LBH: variants seen among roughly 807,000 people sequenced by gnomAD.
LBH encodes protein LBH.
A neutral mutation model predicts 12.5 loss-of-function variants in LBH; 7 were observed. The ratio of observed to expected loss-of-function variants is 0.56; its 90% confidence interval spans 0.32 to 1.05. The LOEUF is 1.05. Among genes scored for constraint, LBH ranks in the 50% least tolerant of loss-of-function variants. The pLI is 0.04. For missense variants in LBH, 119 were observed against 138.9 expected (o/e 0.86, Z 0.72); for synonymous variants, 51 against 50.1 (o/e 1.02, Z -0.08).
intron 2 of LBH, among the ~76,000 whole-genome samples, chr2:30,236,629 T>C (rs1484488954): frequency 6.6e-6 from 1 of 152,210 alleles, no homozygotes; most frequent in East Asian, 1.9e-4. Context: ...AAGCAACATT[T>C]AGGGGCACTT....
chr2:30,241,057 TAGG>T (rs1677780821), intron 2 of LBH, among the ~76,000 whole-genome samples: 1 of 152,244 alleles, frequency 6.6e-6, no homozygotes, highest in Non-Finnish European at 1.5e-5. Context: ...CAGCTTTTCT[TAGG>T]AGAGCTTAAA....
In LBH at chr2:30,259,720, G is replaced by A. The variant is rs930481719; in HGVS notation, c.*2099G>A. 1 of 152,604 alleles carries A rather than the reference G, an allele frequency of 6.6e-6. No individual in the cohort carries two copies. Among genetic ancestry groups the A allele is most frequent in the African/African-American group, 2.4e-5 (1 of 41,440 alleles). The allele number at this position is 152,604 out of a possible 1,614,324, so 9.5% of individuals were successfully genotyped here. A position where few individuals can be genotyped will look rare whatever the true frequency, so the allele number is the denominator to read the frequency against. ...GACCGTTTGCAGTCTGAGCAGGCCAGGGGCTGACAGCTAATGTCAGGACCC... is the reference window on the plus strand; with the variant it reads ...GACCGTTTGCAGTCTGAGCAGGCCAAGGGCTGACAGCTAATGTCAGGACCC... On this transcript the variant is annotated 3_prime_UTR_variant, in exon 3 of 3. Transcript: ENST00000395323.
In LBH at chr2:30,259,191, C is replaced by G. The variant is rs1366301410; in HGVS notation, c.*1570C>G. The G allele has an allele frequency of 1.3e-5, 2 of 152,824 alleles. No individual in the cohort carries two copies. Among genetic ancestry groups the G allele is most frequent in the Admixed American group, 6.5e-5 (1 of 15,282 alleles). The allele number at this position is 152,824 out of a possible 1,614,324, so 9.5% of individuals were successfully genotyped here. ...CTCAGTTCTGGACGTGTGTATATAG[C>G]TGTATTTAATACCTCAAGGTCATTG... is the stretch of plus-strand genomic sequence containing the variant. On this transcript the variant is annotated 3_prime_UTR_variant, in exon 3 of 3. Coordinates refer to ENST00000395323, the MANE Select transcript of LBH (RefSeq NM_030915.4).
At chr2:30,249,974 T>A (rs13030740) in intron 2 of LBH, among the ~76,000 whole-genome samples, 44,594 of 152,112 alleles carry the variant, frequency 0.29, 6,844 homozygotes, top group Middle Eastern at 0.42. Flanking sequence ...CACTGTGACC[T>A]TGCCAACCAT....
rs1456785574 is a variant in LBH, at chr2:30,234,399, T to C, written c.27-6T>C. ...TTGTTGACTTTTGGTCTGGGTTTCT[T>C]GGCAGCCCCGACTATCTGAGATCGG... On this transcript the variant is annotated splice_polypyrimidine_tract_variant and splice_region_variant and intron_variant, in intron 1 of 2. Coordinates refer to ENST00000395323, the MANE Select transcript of LBH (RefSeq NM_030915.4). 1.2e-6 allele frequency: 2 copies of C among 1,613,324 alleles called. No homozygotes were observed. The highest frequency in any genetic ancestry group is 1.7e-6 in the Non-Finnish European group (2 of 1,179,260).
At chr2:30,238,639 G>C (rs549439205) in intron 2 of LBH, among the ~76,000 whole-genome samples, 1 of 152,344 alleles carries the variant, frequency 6.6e-6, no homozygotes, top group South Asian at 2.1e-4. Context: ...TCATTCCCCA[G>C]GTGGGAGGGA....
At chr2:30,255,321 G>A (rs1191229729) in intron 2 of LBH, among the ~76,000 whole-genome samples, 3 of 152,114 alleles carry the variant, frequency 2.0e-5, no homozygotes, top group Non-Finnish European at 4.4e-5. Context: ...TGCACGTCTG[G>A]GCACAGCGCC....
In LBH at chr2:30,234,918, C is replaced by T. The variant is rs1040715258; in HGVS notation, c.129+411C>T. Reference sequence around the variant, plus strand: ...CCTGGGGTAGTAGAAGCATTGCTGTCGGGGGCTTCTGCAGAAGGGTGGTCT... The same window carrying T: ...CCTGGGGTAGTAGAAGCATTGCTGTTGGGGGCTTCTGCAGAAGGGTGGTCT... On this transcript the variant is annotated intron_variant, in intron 2 of 2. Transcript: ENST00000395323. 2.4e-4 allele frequency among the ~76,000 whole-genome samples: 37 copies of T among 152,116 alleles called. 1 individual carries two copies. Among genetic ancestry groups the T allele is most frequent in the Non-Finnish European group, 1.0e-4 (7 of 68,014 alleles).
intron 2 of LBH, among the ~76,000 whole-genome samples, chr2:30,242,646 T>G (rs1392264399): frequency 6.6e-6 from 1 of 152,250 alleles, no homozygotes; most frequent in African/African-American, 2.4e-5. Flanking sequence ...TATGTTTACT[T>G]TCAGTATTTT....
chr2:30,251,161 C>G (rs1677972299), intron 2 of LBH, among the ~76,000 whole-genome samples: 1 of 149,190 alleles, frequency 6.7e-6, no homozygotes, highest in African/African-American at 2.5e-5. Context: ...CTCAGGCAAT[C>G]CTCCCACCTC....
At position 30,257,968 on chromosome 2, in the gene LBH, T is replaced by A. The variant is rs1035761815; in HGVS notation, c.*347T>A. On this transcript the variant is annotated 3_prime_UTR_variant, in exon 3 of 3. Transcript: ENST00000395323. ...GAGGCAGTGGTGGGATTCCAATGGG[T>A]CTTGGTGGGTGGGAGGTGGGGCATG... 1.1e-5 allele frequency: 2 copies of A among 187,538 alleles called. No homozygotes were observed. Among genetic ancestry groups the A allele is most frequent in the Non-Finnish European group, 2.2e-5 (2 of 90,474 alleles). 11.6% of individuals were successfully genotyped at this position (187,538 alleles called of 1,614,324 possible). A position where few individuals can be genotyped will look rare whatever the true frequency, so the allele number is the denominator to read the frequency against.
chr2:30,254,627 C>G (rs987112781), intron 2 of LBH, among the ~76,000 whole-genome samples: 1 of 152,040 alleles, frequency 6.6e-6, no homozygotes, highest in South Asian at 2.1e-4. Flanking sequence ...CCCCTCCCCC[C>G]CTCCTCCTTT....
intron 2 of LBH, among the ~76,000 whole-genome samples, chr2:30,248,707 A>C (rs547402552): frequency 6.6e-6 from 1 of 152,166 alleles, no homozygotes; most frequent in South Asian, 2.1e-4. Flanking sequence ...GTCTTTTCTC[A>C]CTGCCCCGGA....
chr2:30,238,805 C>G (rs1242413110), intron 2 of LBH, among the ~76,000 whole-genome samples: 1 of 152,062 alleles, frequency 6.6e-6, no homozygotes, highest in Non-Finnish European at 1.5e-5. Context: ...GGACGACCAG[C>G]CTTTCCCGGC....
At chr2:30,239,256 C>T (rs1015221553) in intron 2 of LBH, among the ~76,000 whole-genome samples, 2 of 152,232 alleles carry the variant, frequency 1.3e-5, no homozygotes, top group Non-Finnish European at 2.9e-5. Context: ...TGGCTTCACT[C>T]TGCCGGTTCC....
In LBH at chr2:30,257,846, C is replaced by G. The variant is rs1678114260; in HGVS notation, c.*225C>G. On this transcript the variant is annotated 3_prime_UTR_variant, in exon 3 of 3. Coordinates refer to ENST00000395323, the MANE Select transcript of LBH (RefSeq NM_030915.4). The stretch of plus-strand genomic sequence containing the variant: ...GGAGCCCTCTGACAATTTGCAAGGC[C>G]CTCTGAGAAAGGAAGCTGCTTAGAG... 2.5e-6 allele frequency: 1 copy of G among 393,204 alleles called. No individual in the cohort carries two copies. Among genetic ancestry groups the G allele is most frequent in the Non-Finnish European group, 4.5e-6 (1 of 220,856 alleles). 24.4% of individuals were successfully genotyped at this position (393,204 alleles called of 1,614,324 possible).
intron 2 of LBH, among the ~76,000 whole-genome samples, chr2:30,235,838 T>C (rs1026460160): frequency 2.0e-5 from 3 of 152,138 alleles, no homozygotes; most frequent in African/African-American, 7.2e-5. Flanking sequence ...CTTTGTGTTG[T>C]CTATATTGGC....
At chr2:30,239,356 C>T (rs921766045) in intron 2 of LBH, among the ~76,000 whole-genome samples, 2 of 152,168 alleles carry the variant, frequency 1.3e-5, no homozygotes, top group East Asian at 1.9e-4. Flanking sequence ...CACCAGCTCA[C>T]GAGGCCATTC....
At chr2:30,232,119 G>A in intron 1 of LBH, 1 of 1,544,240 alleles carries the variant, frequency 6.5e-7, no homozygotes, top group Non-Finnish European at 8.7e-7. Flanking sequence ...GCGCAGGGGG[G>A]CTCCTGCTCT....
Sources: allele counts gnomAD v4.1 joint callset (sites outside exome capture counted in the v4.1 genomes callset), GRCh38; gene constraint gnomAD v4.1.1; transcripts MANE v1.5; gene names NCBI Gene and HGNC (gene_info 2026-07-23, HGNC 2026-07-21).